LINGO2: variants seen among roughly 807,000 people sequenced by gnomAD.
LINGO2 encodes leucine rich repeat and Ig domain containing 2.
Under a neutral mutation model 30.6 loss-of-function variants are expected in LINGO2, and 14 were observed. The ratio of observed to expected loss-of-function variants is 0.46; its 90% CI spans 0.30 to 0.72. The LOEUF (loss-of-function observed/expected upper bound fraction) is 0.72, where lower values mean the gene tolerates loss of function less well. LINGO2 is among the 30% of genes least tolerant of loss of function. The pLI, the probability that LINGO2 is intolerant of heterozygous loss-of-function variation, is 0.07. For synonymous variants in LINGO2, 317 were observed against 288.5 expected, an observed-to-expected ratio of 1.10 and a Z score of -1.00; for missense variants, 729 against 751.7, an observed-to-expected ratio of 0.97 and a Z score of 0.35.
intron 5 of LINGO2, among the ~76,000 whole-genome samples, chr9:28,007,164 C>T (rs1264577116): frequency 6.6e-6 from 1 of 152,104 alleles, no homozygotes; most frequent in Non-Finnish European, 1.5e-5. Flanking sequence ...AACTCAGAGA[C>T]AGTCATCTAG....
chr9:28,762,837 G>A, the LINGO2 span, among the ~76,000 whole-genome samples: 1 of 151,918 alleles, frequency 6.6e-6, no homozygotes, highest in Non-Finnish European at 1.5e-5. Context: ...CTCTCCTGTG[G>A]TGGTGATATG....
the LINGO2 span, among the ~76,000 whole-genome samples, chr9:28,794,065 G>A: frequency 9.2e-4 from 140 of 152,242 alleles, no homozygotes; most frequent in African/African-American, 3.2e-3. Flanking sequence ...CAGCACTTTG[G>A]GAGGCTGAGG....
intron 1 of LINGO2, among the ~76,000 whole-genome samples, chr9:28,506,067 G>A (rs1820098049): frequency 6.6e-6 from 1 of 151,638 alleles, no homozygotes; most frequent in Admixed American, 6.6e-5. Flanking sequence ...AATATAATAT[G>A]AGTAGTAATT....
the LINGO2 span, among the ~76,000 whole-genome samples, chr9:29,175,379 G>A: frequency 2.6e-5 from 4 of 152,072 alleles, no homozygotes; most frequent in Admixed American, 6.6e-5. Context: ...TCCTAATTCT[G>A]TTGCGGTTTC....
intron 1 of LINGO2, among the ~76,000 whole-genome samples, chr9:28,487,995 T>A (rs747347392): frequency 1.3e-5 from 2 of 152,188 alleles, no homozygotes; most frequent in Non-Finnish European, 2.9e-5. Context: ...TACACACATG[T>A]ATACTCTGAA....
intron 1 of LINGO2, among the ~76,000 whole-genome samples, chr9:28,585,218 G>A (rs1260837010): frequency 1.3e-5 from 2 of 151,968 alleles, no homozygotes; most frequent in Non-Finnish European, 2.9e-5. Flanking sequence ...CAGGTAATTG[G>A]AAATCATTCT....
chr9:27,997,807 T>G (rs1821743549), intron 5 of LINGO2, among the ~76,000 whole-genome samples: 1 of 152,170 alleles, frequency 6.6e-6, no homozygotes, highest in Non-Finnish European at 1.5e-5. Context: ...CAATGCTAAT[T>G]TAATGCACTT....
the LINGO2 span, among the ~76,000 whole-genome samples, chr9:28,997,009 T>G: frequency 6.6e-6 from 1 of 152,338 alleles, no homozygotes; most frequent in East Asian, 1.9e-4. Context: ...GGACTGCAAA[T>G]TAGATATTAG....
At chr9:28,734,976 T>C in the LINGO2 span, among the ~76,000 whole-genome samples, 49 of 152,336 alleles carry the variant, frequency 3.2e-4, no homozygotes, top group South Asian at 9.9e-3. Context: ...TTCTGAGTAA[T>C]ACTGCATTTT....
intron 1 of LINGO2, among the ~76,000 whole-genome samples, chr9:28,520,380 CAT>C (rs1415706491): frequency 1.3e-5 from 2 of 152,070 alleles, no homozygotes; most frequent in African/African-American, 4.8e-5. Flanking sequence ...CAGATCTTTG[CAT>C]AGTTTCCTTC....
At chr9:28,758,069 G>A in the LINGO2 span, among the ~76,000 whole-genome samples, 1 of 152,048 alleles carries the variant, frequency 6.6e-6, no homozygotes, top group Non-Finnish European at 1.5e-5. Flanking sequence ...GTGCTTAGAA[G>A]CATGTATCTC....
At chr9:28,719,625 C>T in the LINGO2 span, among the ~76,000 whole-genome samples, 1 of 151,880 alleles carries the variant, frequency 6.6e-6, no homozygotes, top group Non-Finnish European at 1.5e-5. Flanking sequence ...TATGTTTTCC[C>T]CCTTTTTATG....
At chr9:28,985,923 A>G in the LINGO2 span, among the ~76,000 whole-genome samples, 890 of 152,146 alleles carry the variant, frequency 5.8e-3, 8 homozygotes, top group African/African-American at 0.021. Context: ...GGTCAAATAA[A>G]AAAAGTTACT....
At chr9:28,785,084 T>C in the LINGO2 span, among the ~76,000 whole-genome samples, 1 of 151,916 alleles carries the variant, frequency 6.6e-6, no homozygotes, top group Non-Finnish European at 1.5e-5. Flanking sequence ...AAGAAAACAA[T>C]TCAGGAGAAA....
the LINGO2 span, among the ~76,000 whole-genome samples, chr9:28,994,999 A>C: frequency 6.6e-6 from 1 of 152,140 alleles, no homozygotes; most frequent in Non-Finnish European, 1.5e-5. Flanking sequence ...CAATGGCAAC[A>C]AAAGCCAAAA....
the LINGO2 span, among the ~76,000 whole-genome samples, chr9:29,123,852 T>A: frequency 6.6e-6 from 1 of 152,050 alleles, no homozygotes; most frequent in South Asian, 2.1e-4. Flanking sequence ...CTGTGTCAAG[T>A]AGGAACATAA....
At chr9:28,966,642 G>C in the LINGO2 span, among the ~76,000 whole-genome samples, 2 of 152,220 alleles carry the variant, frequency 1.3e-5, no homozygotes, top group East Asian at 3.9e-4. Flanking sequence ...GTATGGTAGA[G>C]TTAAGGTAAA....
At chr9:28,303,623 T>C (rs1824232657) in intron 3 of LINGO2, among the ~76,000 whole-genome samples, 1 of 152,148 alleles carries the variant, frequency 6.6e-6, no homozygotes, top group Non-Finnish European at 1.5e-5. Context: ...GTGTGCTCTA[T>C]TTATTAAATA....
Position 27,949,628 on chromosome 9 carries a change from C to T in LINGO2, c.1044G>A (p.Glu348=), listed in dbSNP as rs769275016. 16 of 1,613,940 alleles carry T rather than the reference C, an allele frequency of 9.9e-6. No individual in the cohort carries two copies. In the South Asian group the frequency reaches 1.4e-4, roughly 14 times the overall value. ...GAGGGTTGTTGTTAATGCTCAAGAC[C>T]TCCAGAGCCCTAGGGGAGGAGAAGA... The change falls in exon 6 of 6, where the codon GAG becomes GAA. Residue 348 remains glutamate (E), a synonymous_variant. Coordinates refer to ENST00000379992, the Ensembl canonical transcript of LINGO2.
Sources: gnomAD v4.1 joint callset for allele counts (sites outside exome capture counted in the v4.1 genomes callset) on GRCh38, gnomAD v4.1.1 for gene constraint, MANE v1.5 for transcripts, NCBI Gene and HGNC (gene_info 2026-07-23, HGNC 2026-07-21) for gene names.